Variants in PLEKHA7 observed in about 807,000 individuals in gnomAD.
The protein encoded by PLEKHA7 is pleckstrin homology domain containing A7, also known as pleckstrin homology domain-containing family A member 7.
In PLEKHA7, 104 loss-of-function variants were observed where a neutral mutation model predicts 170.0. That is an observed-to-expected ratio of 0.61 (90% CI 0.52 to 0.72). The LOEUF (loss-of-function observed/expected upper bound fraction) is 0.72, where lower values mean the gene tolerates loss of function less well. Ranked by LOEUF, PLEKHA7 falls within the 30% of genes least tolerant of loss-of-function variation. PLEKHA7 has a pLI of 0.00. For missense variants in PLEKHA7, 1,615 were observed against 1,671.7 expected (o/e 0.97, Z 0.59); for synonymous variants, 648 against 660.8 (o/e 0.98, Z 0.30).
At chr11:16,893,061 A>G (rs1856774668) in intron 3 of PLEKHA7, among the ~76,000 whole-genome samples, 1 of 152,186 alleles carries the variant, frequency 6.6e-6, no homozygotes. Context: ...TTATCGTCCA[A>G]TATGGCCAGT....
At chr11:16,816,513 A>G (rs779454396) in intron 11 of PLEKHA7, among the ~76,000 whole-genome samples, 4 of 152,186 alleles carry the variant, frequency 2.6e-5, no homozygotes, top group Non-Finnish European at 5.9e-5. Flanking sequence ...AGATGCAAGG[A>G]AGCTGACTTG....
At chr11:16,945,966 A>G (rs529413109) in intron 3 of PLEKHA7, among the ~76,000 whole-genome samples, 3 of 152,356 alleles carry the variant, frequency 2.0e-5, no homozygotes, top group Non-Finnish European at 4.4e-5. Context: ...CTTTTAAGGT[A>G]TAACACATTC....
At chr11:17,012,828 T>A (rs191541751) in intron 3 of PLEKHA7, among the ~76,000 whole-genome samples, 1 of 152,142 alleles carries the variant, frequency 6.6e-6, no homozygotes, top group Non-Finnish European at 1.5e-5. Context: ...TACACACATA[T>A]GAGGCAGGGC....
intron 3 of PLEKHA7, among the ~76,000 whole-genome samples, chr11:16,965,146 A>G (rs979186121): frequency 7.0e-6 from 1 of 143,126 alleles, no homozygotes; most frequent in African/African-American, 2.5e-5. Context: ...CCGTCTCTAC[A>G]AAATATACAA....
At chr11:16,852,682 G>A (rs1853077696) in intron 6 of PLEKHA7, among the ~76,000 whole-genome samples, 1 of 152,130 alleles carries the variant, frequency 6.6e-6, no homozygotes, top group Non-Finnish European at 1.5e-5. Context: ...TCTTATTTAG[G>A]TGGCTATGCT....
chr11:16,843,290 C>A (rs1467642522), intron 8 of PLEKHA7, among the ~76,000 whole-genome samples: 2 of 152,178 alleles, frequency 1.3e-5, no homozygotes, highest in African/African-American at 4.8e-5. Context: ...CATGCAAGGA[C>A]CAGGCAGAGA....
At chr11:17,008,868 C>T (rs967851646) in intron 3 of PLEKHA7, among the ~76,000 whole-genome samples, 2 of 152,292 alleles carry the variant, frequency 1.3e-5, no homozygotes, top group South Asian at 2.1e-4. Flanking sequence ...ACTCCCATGG[C>T]CTCTTCTAGA....
chr11:16,933,322 C>T lies in PLEKHA7; in HGVS notation c.222-62140G>A, dbSNP rs533606751. 1.1e-4 allele frequency among the ~76,000 whole-genome samples: 16 copies of T among 152,296 alleles called. No homozygotes were observed. The South Asian group carries it at 3.3e-3, about 32-fold the overall frequency. On this transcript the variant is annotated intron_variant, in intron 3 of 26. Coordinates refer to ENST00000531066, the MANE Select transcript of PLEKHA7 (RefSeq NM_001329630.2). ...ATGCAAAGCCAGTCTGACTACAGTT[C>T]CATGCCAATGCCTCTGAAAAGAAGT...
intron 3 of PLEKHA7, among the ~76,000 whole-genome samples, chr11:16,950,887 C>T (rs1486527418): frequency 6.6e-6 from 1 of 152,220 alleles, no homozygotes; most frequent in Non-Finnish European, 1.5e-5. Flanking sequence ...CCAGCTACAT[C>T]TTTCTCTGCA....
intron 3 of PLEKHA7, among the ~76,000 whole-genome samples, chr11:16,933,114 T>C (rs1860058754): frequency 6.6e-6 from 1 of 152,248 alleles, no homozygotes; most frequent in Non-Finnish European, 1.5e-5. Context: ...AAAAACCTAA[T>C]AGTTACTCGG....
chr11:17,014,231 C>G (rs560398043), intron 1 of PLEKHA7, 30 bp from the exon 2 acceptor site: 1 of 1,445,518 alleles, frequency 6.9e-7, no homozygotes, highest in Non-Finnish European at 9.0e-7. Flanking sequence ...CCTGTTAGCG[C>G]CGCCACAGCC....
chr11:16,871,972 CTT>C (rs139139631), intron 3 of PLEKHA7, among the ~76,000 whole-genome samples: 62,094 of 136,384 alleles, frequency 0.46, 14,573 homozygotes, highest in East Asian at 0.63. Context: ...TAAATGTAGA[CTT>C]TTTTTTTTTT....
At position 16,894,930 on chromosome 11, in the gene PLEKHA7, C is replaced by T. The variant is rs111989268; in HGVS notation, c.222-23748G>A. ...CAGGCATTATCTCATATCGTATTAC[C>T]ATCCTAGGAGGTAGTTATTATTATT... On this transcript the variant is annotated intron_variant, in intron 3 of 26. Transcript: ENST00000531066. Among the ~76,000 whole-genome samples, 287 of 152,094 alleles carry T rather than the reference C, an allele frequency of 1.9e-3. 3 individuals carry two copies. Among genetic ancestry groups the T allele is most frequent in the African/African-American group, 6.5e-3 (270 of 41,504 alleles).
chr11:16,963,634 A>T (rs1320024346), intron 3 of PLEKHA7, among the ~76,000 whole-genome samples: 5 of 152,098 alleles, frequency 3.3e-5, no homozygotes, highest in Admixed American at 3.3e-4. Flanking sequence ...ATCTTGATGA[A>T]CATGTCCCCT....
chr11:16,974,433 C>T (rs1464850124), intron 3 of PLEKHA7, among the ~76,000 whole-genome samples: 6 of 151,900 alleles, frequency 3.9e-5, no homozygotes, highest in African/African-American at 1.5e-4. Context: ...AAATATGGAA[C>T]GCTTCACAAA....
rs565530321 is a variant in PLEKHA7, at chr11:16,922,619, C to T, written c.222-51437G>A. On this transcript the variant is annotated intron_variant, in intron 3 of 26. Coordinates refer to ENST00000531066, the MANE Select transcript of PLEKHA7 (RefSeq NM_001329630.2). ...CTTTTGCAAACCAAGACTGCAAGTG[C>T]TGCCAGGGTCTTTAGTCTATTTCTC... 1.8e-4 allele frequency among the ~76,000 whole-genome samples: 28 copies of T among 152,280 alleles called. 1 individual carries two copies. In the South Asian group the frequency reaches 5.6e-3, roughly 30 times the overall value.
chr11:17,005,953 A>G (rs942196308), intron 3 of PLEKHA7, among the ~76,000 whole-genome samples: 12 of 152,250 alleles, frequency 7.9e-5, no homozygotes, highest in African/African-American at 2.9e-4. Context: ...GAGGGGGTTC[A>G]GAATTTCTAT....
At chr11:16,823,405 G>A (rs974054556) in intron 10 of PLEKHA7, among the ~76,000 whole-genome samples, 1 of 152,122 alleles carries the variant, frequency 6.6e-6, no homozygotes, top group Non-Finnish European at 1.5e-5. Context: ...AAATCATGCA[G>A]ACAGGATTAA....
At chr11:16,957,112 G>A (rs1465176536) in intron 3 of PLEKHA7, among the ~76,000 whole-genome samples, 1 of 152,044 alleles carries the variant, frequency 6.6e-6, no homozygotes, top group Non-Finnish European at 1.5e-5. Flanking sequence ...TTCATTCAAG[G>A]GAAGAAAAAA....
Sources: allele counts gnomAD v4.1 joint callset (sites outside exome capture counted in the v4.1 genomes callset), GRCh38; gene constraint gnomAD v4.1.1; transcripts MANE v1.5; gene names NCBI Gene and HGNC (gene_info 2026-07-23, HGNC 2026-07-21).